The following TMEM132D variants were observed in gnomAD, a reference collection of about 807,000 sequenced individuals.
TMEM132D encodes the protein transmembrane protein 132D.
Under a neutral mutation model 62.3 loss-of-function variants are expected in TMEM132D, and 21 were observed. The ratio of observed to expected loss-of-function variants is 0.34; its 90% CI spans 0.24 to 0.49. TMEM132D has a LOEUF of 0.49. Ranked by LOEUF, TMEM132D falls within the 20% of genes least tolerant of loss-of-function variation. The probability of loss-of-function intolerance (pLI) is 0.99; values close to 1 mark genes in which losing one functional copy is unlikely to be tolerated. For missense variants in TMEM132D, 1,346 were observed against 1,402.8 expected (o/e 0.96, Z 0.65); for synonymous variants, 621 against 575.6 (o/e 1.08, Z -1.13).
chr12:129,808,880 T>A (rs1169939045), intron 1 of TMEM132D, among the ~76,000 whole-genome samples: 2 of 152,040 alleles, frequency 1.3e-5, no homozygotes, highest in Admixed American at 6.5e-5. Flanking sequence ...CCAAAAACAT[T>A]TAGAAAAATT....
chr12:129,126,173 T>C (rs1876207112), intron 5 of TMEM132D, among the ~76,000 whole-genome samples: 1 of 152,202 alleles, frequency 6.6e-6, no homozygotes, highest in Non-Finnish European at 1.5e-5. Context: ...AGGGAAAATG[T>C]ACAGGGAACT....
At chr12:129,541,599 C>T (rs1876584400) in intron 2 of TMEM132D, among the ~76,000 whole-genome samples, 1 of 152,136 alleles carries the variant, frequency 6.6e-6, no homozygotes, top group South Asian at 2.1e-4. Flanking sequence ...CTGTTTGCCT[C>T]ATTGATACCA....
intron 4 of TMEM132D, among the ~76,000 whole-genome samples, chr12:129,306,307 C>T (rs1261922645): frequency 6.6e-6 from 1 of 152,130 alleles, no homozygotes; most frequent in African/African-American, 2.4e-5. Context: ...CAAAAGAAAT[C>T]AAGTAACTTC....
intron 1 of TMEM132D, among the ~76,000 whole-genome samples, chr12:129,863,288 G>A (rs141828891): frequency 4.5e-4 from 69 of 152,090 alleles, no homozygotes; most frequent in African/African-American, 1.6e-3. Context: ...AGCCCCGATG[G>A]AAACTAATAG....
chr12:129,256,090 G>T (rs1315054157), intron 4 of TMEM132D, among the ~76,000 whole-genome samples: 1 of 152,184 alleles, frequency 6.6e-6, no homozygotes, highest in Non-Finnish European at 1.5e-5. Flanking sequence ...CTGATTGATT[G>T]ATTTATTGAG....
At chr12:129,899,342 T>TGGAGG (rs1478125007) in intron 1 of TMEM132D, among the ~76,000 whole-genome samples, 2 of 114,982 alleles carry the variant, frequency 1.7e-5, no homozygotes, top group African/African-American at 6.6e-5. Context: ...GATGGATGGA[T>TGGAGG]GATGGATGGA....
intron 5 of TMEM132D, among the ~76,000 whole-genome samples, chr12:129,165,364 C>T (rs1877513617): frequency 1.3e-5 from 2 of 152,040 alleles, no homozygotes; most frequent in Admixed American, 6.5e-5. Flanking sequence ...TGTGTAAAGT[C>T]TACATAAAAA....
chr12:129,597,942 A>G, intron 2 of TMEM132D, among the ~76,000 whole-genome samples: 1 of 152,258 alleles, frequency 6.6e-6, no homozygotes, highest in East Asian at 1.9e-4. Flanking sequence ...TAAAAAAAAC[A>G]CCATTTGAAT....
At chr12:129,135,013 C>T (rs1876517108) in intron 5 of TMEM132D, among the ~76,000 whole-genome samples, 1 of 152,248 alleles carries the variant, frequency 6.6e-6, no homozygotes, top group South Asian at 2.1e-4. Flanking sequence ...TCTATTTCCT[C>T]TTCCTTGTTG....
At chr12:129,585,814 C>CGT (rs1565913174) in intron 2 of TMEM132D, among the ~76,000 whole-genome samples, 86 of 82,730 alleles carry the variant, frequency 1.0e-3, no homozygotes, top group Admixed American at 1.5e-3. Context: ...GATATGCATG[C>CGT]ATGTGTGTGT....
intron 1 of TMEM132D, among the ~76,000 whole-genome samples, chr12:129,737,700 C>T (rs1413581281): frequency 3.3e-5 from 5 of 152,324 alleles, no homozygotes; most frequent in African/African-American, 4.8e-5. Context: ...TGCAGCATCA[C>T]TCTAAAAGCA....
intron 3 of TMEM132D, among the ~76,000 whole-genome samples, chr12:129,466,661 G>A (rs548056965): frequency 6.6e-6 from 1 of 152,064 alleles, no homozygotes; most frequent in Non-Finnish European, 1.5e-5. Flanking sequence ...GACACTGTTC[G>A]ACAGGCACTT....
intron 2 of TMEM132D, among the ~76,000 whole-genome samples, chr12:129,692,786 G>A (rs779204184): frequency 2.8e-4 from 43 of 152,078 alleles, no homozygotes; most frequent in South Asian, 2.3e-3. Flanking sequence ...TTATAAGTGG[G>A]AGCTGAACAA....
At chr12:129,387,837 C>G (rs1479934650) in intron 3 of TMEM132D, among the ~76,000 whole-genome samples, 10 of 121,054 alleles carry the variant, frequency 8.3e-5, no homozygotes, top group African/African-American at 3.3e-4. Flanking sequence ...AACACTAACA[C>G]CGACATCAAT....
intron 3 of TMEM132D, among the ~76,000 whole-genome samples, chr12:129,370,567 TTA>T (rs1870564938): frequency 1.3e-5 from 2 of 152,340 alleles, no homozygotes; most frequent in South Asian, 4.1e-4. Flanking sequence ...CCTCCAGATT[TTA>T]TATGAGTTCA....
chr12:129,324,701 G>C (rs2135645748), intron 4 of TMEM132D, among the ~76,000 whole-genome samples: 1 of 152,128 alleles, frequency 6.6e-6, no homozygotes, highest in African/African-American at 2.4e-5. Context: ...ATAGTGGCGG[G>C]CACCTGTAAT....
chr12:129,169,892 C>T (rs888691206), intron 5 of TMEM132D, among the ~76,000 whole-genome samples: 1 of 152,212 alleles, frequency 6.6e-6, no homozygotes, highest in Non-Finnish European at 1.5e-5. Context: ...TTCTTCTAAG[C>T]AAAATATTTG....
At chr12:129,762,809 C>T (rs764369828) in intron 1 of TMEM132D, among the ~76,000 whole-genome samples, 2 of 152,078 alleles carry the variant, frequency 1.3e-5, no homozygotes, top group African/African-American at 2.4e-5. Context: ...GTTCTATGCA[C>T]GGAGGAGCTG....
chr12:129,335,355 C>G (rs1869239950), intron 4 of TMEM132D, among the ~76,000 whole-genome samples: 1 of 151,876 alleles, frequency 6.6e-6, no homozygotes, highest in Non-Finnish European at 1.5e-5. Flanking sequence ...TCAAGCTGGT[C>G]TTGAACTCCT....
Sources: gnomAD v4.1 joint callset for allele counts (sites outside exome capture counted in the v4.1 genomes callset) on GRCh38, gnomAD v4.1.1 for gene constraint, MANE v1.5 for transcripts, NCBI Gene and HGNC (gene_info 2026-07-23, HGNC 2026-07-21) for gene names.